Variants in ARPP21 observed in about 807,000 individuals in gnomAD.
ARPP21 encodes the protein cAMP regulated phosphoprotein 21, also known as cAMP-regulated phosphoprotein 21.
ARPP21 carries 69 observed loss-of-function variants against 113.2 expected under a neutral mutation model. The ratio of observed to expected loss-of-function variants is 0.61; its 90% CI spans 0.50 to 0.74. ARPP21 has a LOEUF of 0.74. ARPP21 is among the 30% of genes least tolerant of loss of function. The pLI, the probability that ARPP21 is intolerant of heterozygous loss-of-function variation, is 0.00. For missense variants in ARPP21, 1,070 were observed against 1,037.4 expected (o/e 1.03, Z -0.43); for synonymous variants, 368 against 375.5 (o/e 0.98, Z 0.23).
At chr3:35,662,128 T>C (rs1708110017) in intron 1 of ARPP21, among the ~76,000 whole-genome samples, 1 of 152,180 alleles carries the variant, frequency 6.6e-6, no homozygotes, top group African/African-American at 2.4e-5. Flanking sequence ...ATTCACACCA[T>C]TGGAAAGAAT....
At chr3:35,641,805 A>G (rs960166663) in intron 1 of ARPP21, 23 of 152,160 alleles carry the variant, frequency 1.5e-4, no homozygotes, top group African/African-American at 4.6e-4. Flanking sequence ...GAGTTTGGGT[A>G]TATGCTTTGA....
intron 19 of ARPP21, among the ~76,000 whole-genome samples, chr3:35,757,454 G>C (rs764138636): frequency 2.4e-4 from 36 of 152,054 alleles, no homozygotes; most frequent in Admixed American, 6.6e-4. Flanking sequence ...TTGCTGACCT[G>C]GGCCTGTGGA....
intron 1 of ARPP21, among the ~76,000 whole-genome samples, chr3:35,654,092 A>G (rs1703697238): frequency 1.3e-5 from 2 of 152,062 alleles, no homozygotes; most frequent in Non-Finnish European, 2.9e-5. Flanking sequence ...GGACCCAGTG[A>G]TTCACACTTA....
chr3:35,723,240 G>A (rs1210397774), intron 14 of ARPP21, among the ~76,000 whole-genome samples: 2 of 152,252 alleles, frequency 1.3e-5, no homozygotes, highest in African/African-American at 4.8e-5. Flanking sequence ...GGGCCAAGGG[G>A]TTCCCCACCT....
chr3:35,666,263 T>G lies in ARPP21; in HGVS notation c.-212-13524T>G, dbSNP rs80163909. On this transcript the variant is annotated intron_variant, in intron 1 of 20. Coordinates refer to ENST00000684406, the MANE Select transcript of ARPP21 (RefSeq NM_001385562.1). ...CAAACTGCTATTTTTTTCTGAAAAT[T>G]TTTTACTGGTTTCTTGTAGAGGGAA... Among the ~76,000 whole-genome samples, 1,078 of 152,168 alleles carry G rather than the reference T, an allele frequency of 7.1e-3. 34 individuals are homozygous for G. Among genetic ancestry groups the G allele is most frequent in the East Asian group, 0.063 (322 of 5,146 alleles).
chr3:35,691,177 C>G (rs1017023838), intron 9 of ARPP21, among the ~76,000 whole-genome samples, 172 bp downstream of exon 9: 1 of 151,566 alleles, frequency 6.6e-6, no homozygotes, highest in African/African-American at 2.4e-5. Flanking sequence ...ATCTGAGAAC[C>G]AAGAAAGTTT....
At chr3:35,654,268 T>C (rs910862301) in intron 1 of ARPP21, among the ~76,000 whole-genome samples, 5 of 152,070 alleles carry the variant, frequency 3.3e-5, no homozygotes, top group Admixed American at 2.6e-4. Context: ...TGGATTCACA[T>C]GGTTTGAGCT....
At chr3:35,717,175 A>C in intron 12 of ARPP21, 123 bp from the exon 13 acceptor site, 1 of 568,336 alleles carries the variant, frequency 1.8e-6, no homozygotes, top group Admixed American at 2.8e-5. Context: ...AAAATTCAAC[A>C]TCATATAAAT....
chr3:35,712,514 C>CTG (rs10579469), intron 11 of ARPP21, among the ~76,000 whole-genome samples: 20,220 of 132,572 alleles, frequency 0.15, 1,763 homozygotes, highest in Non-Finnish European at 0.2. Flanking sequence ...TCTAAGGTGT[C>CTG]TGTGTGTGTG....
At chr3:35,792,986 A>G (rs2096776731) in intron 20 of ARPP21, among the ~76,000 whole-genome samples, 1 of 152,220 alleles carries the variant, frequency 6.6e-6, no homozygotes. Flanking sequence ...TAGCAACTAC[A>G]TTCTCTGGAC....
intron 12 of ARPP21, among the ~76,000 whole-genome samples, chr3:35,716,746 C>T (rs1405621456): frequency 1.3e-5 from 2 of 151,862 alleles, no homozygotes; most frequent in African/African-American, 2.4e-5. Context: ...TATCTTCCTC[C>T]CTAATCTTAT....
Position 35,739,335 on chromosome 3 carries a change from C to T in ARPP21, c.1768C>T (p.Gln590Ter), listed in dbSNP as rs2094530582. ...HFPMRDDVAT[Q>*]FGQMTLSRQS... is the part of the protein sequence containing the mutation. ...CTTGCAGAGAGATGATGTGGCAACACAGTTTGGCCAGATGACCCTGAGCCG... is the reference window on the plus strand; with the variant it reads ...CTTGCAGAGAGATGATGTGGCAACATAGTTTGGCCAGATGACCCTGAGCCG... Residue 590 changes from glutamine to a stop codon, truncating the protein, a stop_gained, in exon 18 of 21, where the codon CAG (glutamine) becomes TAG (stop). Transcript: ENST00000684406. LOFTEE classifies it high-confidence loss of function. 6.2e-7 allele frequency: 1 copy of T among 1,613,884 alleles called. No individual in the cohort carries two copies.
At chr3:35,664,546 C>T (rs904218259) in intron 1 of ARPP21, among the ~76,000 whole-genome samples, 2 of 152,176 alleles carry the variant, frequency 1.3e-5, no homozygotes, top group African/African-American at 4.8e-5. Context: ...TTCACGATGA[C>T]GTCCCATTCC....
chr3:35,673,394 G>A (rs905925649), intron 1 of ARPP21, among the ~76,000 whole-genome samples: 2 of 151,936 alleles, frequency 1.3e-5, no homozygotes, highest in Non-Finnish European at 1.5e-5. Flanking sequence ...CCTTTCATTC[G>A]TTTTGCTGTT....
At chr3:35,662,761 A>G (rs1708397502) in intron 1 of ARPP21, among the ~76,000 whole-genome samples, 3 of 152,216 alleles carry the variant, frequency 2.0e-5, no homozygotes, top group Non-Finnish European at 4.4e-5. Flanking sequence ...AAGAGGCAAC[A>G]AGACCTTGAA....
intron 5 of ARPP21, among the ~76,000 whole-genome samples, chr3:35,686,544 A>G (rs1333023033): frequency 2.0e-5 from 3 of 151,666 alleles, no homozygotes; most frequent in Admixed American, 6.6e-5. Context: ...TGCTTGTTAG[A>G]TTAGCCAGGT....
At chr3:35,669,217 A>AT (rs1436094835) in intron 1 of ARPP21, among the ~76,000 whole-genome samples, 1 of 151,928 alleles carries the variant, frequency 6.6e-6, no homozygotes, top group Non-Finnish European at 1.5e-5. Flanking sequence ...ACTACATAAG[A>AT]TTTTTCCCAA....
intron 1 of ARPP21, among the ~76,000 whole-genome samples, chr3:35,656,039 T>A (rs1158179906): frequency 1.3e-5 from 2 of 152,118 alleles, no homozygotes; most frequent in Non-Finnish European, 2.9e-5. Context: ...AGGAATATTA[T>A]AAAATTTCAA....
At position 35,793,858 on chromosome 3, in the gene ARPP21, T is replaced by C. The variant is rs2096794715; in HGVS notation, c.2444T>C (p.Ile815Thr). The change falls in exon 21 of 21, where the codon ATT becomes ACT. Residue 815 changes from isoleucine (I) to threonine (T), a missense_variant. Coordinates refer to ENST00000684406, the MANE Select transcript of ARPP21 (RefSeq NM_001385562.1). ...PPTPQNNLRLIGPHCPSSTVP... is the reference protein window; with the variant it reads ...PPTPQNNLRLTGPHCPSSTVP... ...ACCCCTCAGAACAACCTTAGGCTGATTGGCCCACACTGCCCCTCCAGCACT... is the reference window on the plus strand; with the variant it reads ...ACCCCTCAGAACAACCTTAGGCTGACTGGCCCACACTGCCCCTCCAGCACT... 3.1e-6 allele frequency: 5 copies of C among 1,614,088 alleles called. No homozygotes were observed. The highest frequency in any genetic ancestry group is 1.7e-5 in the Admixed American group (1 of 60,006).
Sources: gnomAD v4.1 joint callset for allele counts (sites outside exome capture counted in the v4.1 genomes callset) on GRCh38, gnomAD v4.1.1 for gene constraint, MANE v1.5 for transcripts, NCBI Gene and HGNC (gene_info 2026-07-23, HGNC 2026-07-21) for gene names.